The following MED12L variants were observed in gnomAD, a reference collection of about 807,000 sequenced individuals.
The protein encoded by MED12L is mediator of RNA polymerase II transcription subunit 12-like protein.
In MED12L, 60 loss-of-function variants were observed where a neutral mutation model predicts 281.3. The observed-to-expected ratio is 0.21, with a 90% CI of 0.17 to 0.26. The LOEUF (loss-of-function observed/expected upper bound fraction) is 0.26, where lower values mean the gene tolerates loss of function less well. Ranked by LOEUF, MED12L falls within the 10% of genes least tolerant of loss-of-function variation. The probability of loss-of-function intolerance (pLI) is 1.00; values close to 1 mark genes in which losing one functional copy is unlikely to be tolerated. For synonymous variants in MED12L, 974 were observed against 987.2 expected, an observed-to-expected ratio of 0.99 and a Z score of 0.25; for missense variants, 2,146 against 2,680.9, an observed-to-expected ratio of 0.80 and a Z score of 4.41.
intron 2 of MED12L, among the ~76,000 whole-genome samples, chr3:151,090,789 C>T (rs1312901513): frequency 2.6e-5 from 4 of 152,144 alleles, no homozygotes; most frequent in Non-Finnish European, 5.9e-5. Context: ...CCTGTAATCC[C>T]ATCACTTTGG....
At chr3:151,098,168 T>G (rs558118335) in intron 2 of MED12L, among the ~76,000 whole-genome samples, 1 of 152,190 alleles carries the variant, frequency 6.6e-6, no homozygotes, top group South Asian at 2.1e-4. Context: ...GTGGAGGCTT[T>G]TGGGTATTAT....
At chr3:151,425,688 T>A (rs772392378) in intron 43 of MED12L, 1 of 456,716 alleles carries the variant, frequency 2.2e-6, no homozygotes, top group Non-Finnish European at 4.4e-6. Context: ...GTCTTGTGGT[T>A]ACAGCAGGAG....
At chr3:151,383,752 A>G in intron 33 of MED12L, 27 bp from the exon 34 acceptor site, 2 of 1,470,310 alleles carry the variant, frequency 1.4e-6, no homozygotes, top group African/African-American at 1.4e-5. Context: ...ACAGAATGCA[A>G]ATATCTTACT....
Position 151,116,384 on chromosome 3 carries a change from C to A in MED12L, c.146C>A (p.Pro49Gln). 1 of 1,613,484 alleles carries A rather than the reference C, an allele frequency of 6.2e-7. No individual in the cohort carries two copies. The highest frequency in any genetic ancestry group is 8.5e-7 in the Non-Finnish European group (1 of 1,179,590). Residue 49 changes from proline (P) to glutamine (Q), a missense_variant, in exon 3 of 45, where the codon CCA (proline) becomes CAA (glutamine). Physicochemically the swap from Pro to Gln is moderately conservative, Grantham distance 76. Coordinates refer to ENST00000687756, the MANE Select transcript of MED12L (RefSeq NM_001393769.1). ...VNVKQGFNNQ[P>Q]AFTGDEHGSA... ...GTAAAGCAAGGCTTCAATAATCAGC[C>A]AGCCTTCACTGGAGATGAACATGGC...
At chr3:151,154,347 T>C (rs1258283066) in intron 5 of MED12L, among the ~76,000 whole-genome samples, 3 of 152,170 alleles carry the variant, frequency 2.0e-5, no homozygotes, top group African/African-American at 4.8e-5. Context: ...AAAAAAGATA[T>C]GCATATGTTT....
At chr3:151,378,990 A>G (rs1711720172) in intron 31 of MED12L, among the ~76,000 whole-genome samples, 1 of 152,202 alleles carries the variant, frequency 6.6e-6, no homozygotes, top group African/African-American at 2.4e-5. Context: ...AGACACTTAA[A>G]GGTTACATGA....
chr3:151,372,058 A>G (rs1438162684), intron 26 of MED12L, among the ~76,000 whole-genome samples: 1 of 152,160 alleles, frequency 6.6e-6, no homozygotes, highest in Non-Finnish European at 1.5e-5. Context: ...GCCCTTTTCC[A>G]TTCCCAGGGA....
At chr3:151,318,221 A>G (rs1031923533) in intron 16 of MED12L, among the ~76,000 whole-genome samples, 4 of 152,156 alleles carry the variant, frequency 2.6e-5, no homozygotes, top group African/African-American at 7.2e-5. Flanking sequence ...TTGAATAACA[A>G]TTAGCCAACT....
At chr3:151,290,927 T>C (rs34347156) in intron 16 of MED12L, among the ~76,000 whole-genome samples, 40,294 of 152,106 alleles carry the variant, frequency 0.26, 5,703 homozygotes, top group South Asian at 0.31. Context: ...ACTATGATAC[T>C]TGTATTATGT....
intron 2 of MED12L, among the ~76,000 whole-genome samples, chr3:151,099,540 C>G (rs1231650022): frequency 1.3e-5 from 2 of 151,990 alleles, no homozygotes; most frequent in African/African-American, 4.8e-5. Flanking sequence ...TCTTTAATGT[C>G]TAGACTTTTG....
At chr3:151,362,545 C>T (rs771837269) in intron 21 of MED12L, among the ~76,000 whole-genome samples, 4 of 152,024 alleles carry the variant, frequency 2.6e-5, no homozygotes, top group Non-Finnish European at 5.9e-5. Flanking sequence ...ATAGCACCCC[C>T]ATGTCATCAT....
chr3:151,310,392 C>G (rs1747343777), intron 16 of MED12L, among the ~76,000 whole-genome samples: 1 of 152,170 alleles, frequency 6.6e-6, no homozygotes, highest in South Asian at 2.1e-4. Flanking sequence ...AATGGCTTTG[C>G]CTGGATTAAG....
At chr3:151,189,772 A>G (rs1015288193) in intron 13 of MED12L, among the ~76,000 whole-genome samples, 2 of 152,216 alleles carry the variant, frequency 1.3e-5, no homozygotes, top group African/African-American at 4.8e-5. Context: ...TCATCTTACA[A>G]ATTTTGAATC....
chr3:151,263,789 C>T (rs982600411), intron 16 of MED12L, among the ~76,000 whole-genome samples: 11 of 152,182 alleles, frequency 7.2e-5, no homozygotes, highest in African/African-American at 2.7e-4. Flanking sequence ...AGCTCTGTGA[C>T]TCTTGGTAAA....
In MED12L at chr3:151,416,407, G is replaced by T. The variant is rs1717559407; in HGVS notation, c.6393G>T (p.Gln2131His). The change falls in exon 43 of 45, where the codon CAG (glutamine) becomes CAT (histidine). Residue 2131 changes from glutamine to histidine, a missense_variant. Gln to His is a conservative substitution (Grantham distance 24). Transcript: ENST00000687756. ...AGACCCTTGGTCTCCAAGCAATGCA[G>T]CCCCAGCAGCCCTTGGTAAGGCCTG... The part of the protein sequence containing the change: ...QSQTLGLQAM[Q>H]PQQPLFPRQG... The T allele has an allele frequency of 6.2e-7, 1 of 1,611,392 alleles. No homozygotes were observed. The highest frequency in any genetic ancestry group is 8.5e-7 in the Non-Finnish European group (1 of 1,178,658).
At chr3:151,147,298 A>G (rs961893741) in intron 5 of MED12L, among the ~76,000 whole-genome samples, 3 of 152,106 alleles carry the variant, frequency 2.0e-5, no homozygotes, top group African/African-American at 7.2e-5. Flanking sequence ...ATAATCTTTT[A>G]CTTCATTTTA....
At chr3:151,299,143 A>G (rs1391187158) in intron 16 of MED12L, among the ~76,000 whole-genome samples, 1 of 152,210 alleles carries the variant, frequency 6.6e-6, no homozygotes, top group Admixed American at 6.5e-5. Context: ...AGTAGGGAAG[A>G]ATCTGCCACT....
intron 16 of MED12L, among the ~76,000 whole-genome samples, chr3:151,319,170 A>G (rs1748673796): frequency 6.6e-6 from 1 of 152,206 alleles, no homozygotes; most frequent in Admixed American, 6.5e-5. Flanking sequence ...GAAGTAATAC[A>G]TGTTTAGTCA....
At chr3:151,352,012 G>C (rs186209430) in intron 17 of MED12L, among the ~76,000 whole-genome samples, 4 of 152,200 alleles carry the variant, frequency 2.6e-5, no homozygotes, top group Admixed American at 6.5e-5. Flanking sequence ...GGACCAGAAG[G>C]GTTTTGGATT....
Sources: allele counts gnomAD v4.1 joint callset (sites outside exome capture counted in the v4.1 genomes callset), GRCh38; gene constraint gnomAD v4.1.1; transcripts MANE v1.5; gene names NCBI Gene and HGNC (gene_info 2026-07-23, HGNC 2026-07-21).